PKHD1: variants seen among roughly 807,000 people sequenced by gnomAD.
PKHD1 encodes the protein fibrocystin.
PKHD1 carries 291 observed loss-of-function variants against 412.0 expected under a neutral mutation model. That is an observed-to-expected ratio of 0.71 (90% confidence interval 0.64 to 0.78). PKHD1 has a LOEUF of 0.78. Among genes scored for constraint, PKHD1 ranks in the 30% least tolerant of loss-of-function variants. PKHD1 has a pLI of 0.00. For missense variants in PKHD1, 4,825 were observed against 4,950.7 expected, an observed-to-expected ratio of 0.97 and a Z score of 0.76; for synonymous variants, 1,777 against 1,821.5, an observed-to-expected ratio of 0.98 and a Z score of 0.62.
chr6:52,024,996 G>A lies in PKHD1; in HGVS notation c.4814C>T (p.Ser1605Leu). 6.2e-7 allele frequency: 1 copy of A among 1,614,240 alleles called. No homozygotes were observed. The highest frequency in any genetic ancestry group is 8.5e-7 in the Non-Finnish European group (1 of 1,180,042). Residue 1605 changes from serine to leucine, a missense_variant, in exon 32 of 67, where the codon TCA becomes TTA. By Grantham distance (145) the Ser-to-Leu change is moderately radical. Transcript: ENST00000371117. The part of the protein sequence containing the change: ...GTGLRGQNTT[S>L]VYIDQQTCLT... ...GCAGGTCTGCTGGTCAATATAGACT[G>A]ACGTGGTGTTCTGTCCTCTCAGGCC... is the stretch of plus-strand genomic sequence containing the variant.
intron 66 of PKHD1, among the ~76,000 whole-genome samples, chr6:51,621,277 C>T (rs2150249383): frequency 1.3e-5 from 2 of 152,266 alleles, no homozygotes; most frequent in East Asian, 3.9e-4. Flanking sequence ...CTGAGCTGGG[C>T]ATCATCTCCA....
At chr6:51,726,076 T>C (rs1396251139) in intron 60 of PKHD1, among the ~76,000 whole-genome samples, 1 of 152,174 alleles carries the variant, frequency 6.6e-6, no homozygotes, top group Non-Finnish European at 1.5e-5. Flanking sequence ...TGCTCCCTCA[T>C]CTAAGCTTTT....
Position 52,046,024 on chromosome 6 carries a change from C to A in PKHD1, c.2572G>T (p.Asp858Tyr). ...CATACCCTGATAAAATTGGGCAAAT[C>A]CCCAATCTGAGTGGACCAGGACAAG... ...WTLSWSTQIGDLPNFIRVSDE... is the reference protein window; with the variant it reads ...WTLSWSTQIGYLPNFIRVSDE... The change falls in exon 24 of 67, where the codon GAT becomes TAT. Residue 858 changes from aspartate to tyrosine, a missense_variant. Asp to Tyr is a radical substitution (Grantham distance 160). Coordinates refer to ENST00000371117, the MANE Select transcript of PKHD1 (RefSeq NM_138694.4). 1 of 1,613,192 alleles carries A rather than the reference C, an allele frequency of 6.2e-7. No homozygotes were observed. The highest frequency in any genetic ancestry group is 1.3e-5 in the African/African-American group (1 of 74,954).
intron 63 of PKHD1, among the ~76,000 whole-genome samples, chr6:51,641,963 G>A (rs1383828412): frequency 1.3e-5 from 2 of 152,106 alleles, no homozygotes; most frequent in Admixed American, 1.3e-4. Flanking sequence ...GTTGATGGGT[G>A]CAGCAAACCA....
At chr6:51,966,848 G>T (rs1253523342) in intron 35 of PKHD1, among the ~76,000 whole-genome samples, 2 of 152,050 alleles carry the variant, frequency 1.3e-5, no homozygotes, top group African/African-American at 4.8e-5. Flanking sequence ...GCCAGGGTAG[G>T]AAGAGCTATT....
At chr6:51,927,739 A>G (rs1785902904) in intron 37 of PKHD1, among the ~76,000 whole-genome samples, 1 of 152,212 alleles carries the variant, frequency 6.6e-6, no homozygotes, top group Non-Finnish European at 1.5e-5. Context: ...TTAGAGAAAG[A>G]GCAGAGCAGA....
intron 52 of PKHD1, among the ~76,000 whole-genome samples, chr6:51,809,550 T>G (rs1319617162): frequency 6.6e-6 from 1 of 151,912 alleles, no homozygotes; most frequent in African/African-American, 2.4e-5. Flanking sequence ...CACGTTCTAA[T>G]TTTTTTTAAT....
intron 27 of PKHD1, among the ~76,000 whole-genome samples, chr6:52,042,129 G>C (rs1363070984): frequency 6.6e-6 from 1 of 152,178 alleles, no homozygotes; most frequent in Non-Finnish European, 1.5e-5. Flanking sequence ...ATAAGTGCAA[G>C]TTATGCTTGC....
intron 20 of PKHD1, 134 bp downstream of exon 20, chr6:52,053,904 A>C: frequency 2.3e-6 from 2 of 886,042 alleles, no homozygotes; most frequent in Admixed American, 2.0e-5. Context: ...CAAATAAAAT[A>C]TATTCAAATC....
At chr6:51,859,284 T>G (rs1420760368) in intron 48 of PKHD1, among the ~76,000 whole-genome samples, 1 of 152,022 alleles carries the variant, frequency 6.6e-6, no homozygotes, top group Non-Finnish European at 1.5e-5. Flanking sequence ...CCCAGCACTT[T>G]GGGACGCCGA....
In PKHD1 at chr6:51,917,109, A is replaced by C. The variant is rs190388224; in HGVS notation, c.6122-4533T>G. 4.3e-3 allele frequency among the ~76,000 whole-genome samples: 639 copies of C among 147,560 alleles called. 2 individuals are homozygous for C. The highest frequency in any genetic ancestry group is 6.5e-3 in the Non-Finnish European group (438 of 67,358). On this transcript the variant is annotated intron_variant, in intron 37 of 66. Transcript: ENST00000371117. ...CTGTTTGCTTACTTTGTAGGACTTA[A>C]ATCTTTATTCTAAGAATAACTGCCA... is the stretch of plus-strand genomic sequence containing the variant.
intron 64 of PKHD1, among the ~76,000 whole-genome samples, chr6:51,634,416 C>A (rs1768279232): frequency 6.6e-6 from 1 of 152,166 alleles, no homozygotes; most frequent in South Asian, 2.1e-4. Flanking sequence ...TAAGCTCAAT[C>A]AGGCACAGAG....
intron 60 of PKHD1, among the ~76,000 whole-genome samples, chr6:51,705,146 G>A (rs1020334424): frequency 2.0e-5 from 3 of 152,036 alleles, no homozygotes; most frequent in Admixed American, 2.0e-4. Flanking sequence ...TGGACATTAT[G>A]TTCCCAACCC....
chr6:51,703,175 C>T (rs941032299), intron 60 of PKHD1, among the ~76,000 whole-genome samples: 1 of 151,934 alleles, frequency 6.6e-6, no homozygotes, highest in Non-Finnish European at 1.5e-5. Context: ...TAAAAAGGTA[C>T]ATTTCTCCCC....
Position 51,829,824 on chromosome 6 carries a change from G to A in PKHD1, c.8302+1037C>T, listed in dbSNP as rs535934880. Among the ~76,000 whole-genome samples the A allele has an allele frequency of 4.6e-5, 7 of 152,240 alleles. No individual in the cohort carries two copies. In the South Asian group the frequency reaches 6.2e-4, roughly 14 times the overall value. ...TAGTCATTTTAGAAAGGGAATGTGC[G>A]TTATTGGTTCAAGATGAGGACTGGA... On this transcript the variant is annotated intron_variant, in intron 52 of 66. Transcript: ENST00000371117.
chr6:51,662,359 T>C (rs1014033051), intron 60 of PKHD1, among the ~76,000 whole-genome samples: 5 of 151,736 alleles, frequency 3.3e-5, no homozygotes, highest in African/African-American at 9.6e-5. Flanking sequence ...CACACACACA[T>C]ACAAGTAAAA....
chr6:51,644,085 C>T (rs780933229), intron 63 of PKHD1, among the ~76,000 whole-genome samples: 4 of 151,944 alleles, frequency 2.6e-5, no homozygotes, highest in African/African-American at 7.3e-5. Context: ...TGTTTAATCA[C>T]GAGATGTCAA....
intron 41 of PKHD1, among the ~76,000 whole-genome samples, chr6:51,905,830 G>A (rs1047610382): frequency 6.6e-6 from 1 of 152,132 alleles, no homozygotes; most frequent in Non-Finnish European, 1.5e-5. Context: ...CAAGCCACAG[G>A]AGCTTGAATT....
At chr6:51,651,445 A>G (rs1770950344) in intron 61 of PKHD1, among the ~76,000 whole-genome samples, 1 of 152,176 alleles carries the variant, frequency 6.6e-6, no homozygotes, top group Non-Finnish European at 1.5e-5. Context: ...AAATTGTTTA[A>G]TCTGCTAAGG....
Sources: allele counts gnomAD v4.1 joint callset (sites outside exome capture counted in the v4.1 genomes callset), GRCh38; gene constraint gnomAD v4.1.1; transcripts MANE v1.5; gene names NCBI Gene and HGNC (gene_info 2026-07-23, HGNC 2026-07-21).